The following FAM219A variants were observed in gnomAD, a reference collection of about 807,000 sequenced individuals.
FAM219A encodes the protein protein FAM219A.
A neutral mutation model predicts 23.4 loss-of-function variants in FAM219A; 7 were observed. The ratio of observed to expected loss-of-function variants is 0.30; its 90% CI spans 0.17 to 0.56. FAM219A has a LOEUF of 0.56. FAM219A is among the 20% of genes least tolerant of loss of function. The pLI, the probability that FAM219A is intolerant of heterozygous loss-of-function variation, is 0.92. For missense variants in FAM219A, 166 were observed against 246.9 expected, an observed-to-expected ratio of 0.67 and a Z score of 2.20; for synonymous variants, 93 against 99.0, an observed-to-expected ratio of 0.94 and a Z score of 0.36.
At chr9:34,422,243 G>C (rs1256926916) in intron 1 of FAM219A, among the ~76,000 whole-genome samples, 1 of 152,228 alleles carries the variant, frequency 6.6e-6, no homozygotes, top group Non-Finnish European at 1.5e-5. Context: ...ATACCTGCCA[G>C]AGGTACGGCC....
intron 1 of FAM219A, among the ~76,000 whole-genome samples, chr9:34,433,298 C>T (rs1310838067): frequency 6.6e-6 from 1 of 152,158 alleles, no homozygotes; most frequent in African/African-American, 2.4e-5. Flanking sequence ...TCATTTTGAT[C>T]TACTTCTTCC....
chr9:34,405,957 G>T lies in FAM219A; in HGVS notation c.68C>A (p.Ala23Asp). The change falls in exon 2 of 6, where the codon GCC becomes GAC. Residue 23 changes from alanine (A) to aspartate (D), a missense_variant. Coordinates refer to ENST00000651358, the MANE Select transcript of FAM219A (RefSeq NM_001184940.2). ...GTCTCCGTCAGAGATGGAGGCGGCG[G>T]CTGGGTCCTGTGGGGAGAAAGCAGT... is the stretch of plus-strand genomic sequence containing the variant. ...AHSEMQPLDP[A>D]AASISDGDCD... 1 of 1,610,748 alleles carries T rather than the reference G, an allele frequency of 6.2e-7. No homozygotes were observed. The highest frequency in any genetic ancestry group is 8.5e-7 in the Non-Finnish European group (1 of 1,178,102).
intron 1 of FAM219A, among the ~76,000 whole-genome samples, chr9:34,425,256 G>C (rs1822415667): frequency 6.6e-6 from 1 of 152,106 alleles, no homozygotes; most frequent in African/African-American, 2.4e-5. Context: ...AAGGCAGGCA[G>C]ATCACCTGAG....
chr9:34,436,252 T>G (rs532208203), intron 1 of FAM219A, among the ~76,000 whole-genome samples: 12 of 152,138 alleles, frequency 7.9e-5, no homozygotes, highest in South Asian at 2.1e-4. Flanking sequence ...GGGATTTTTT[T>G]GGGTTTTTTT....
intron 1 of FAM219A, among the ~76,000 whole-genome samples, chr9:34,456,325 G>A (rs896589322): frequency 2.0e-5 from 3 of 152,184 alleles, no homozygotes; most frequent in Non-Finnish European, 4.4e-5. Context: ...CACACAGACC[G>A]GAAGCAGCTC....
At chr9:34,437,186 C>A (rs1822954195) in intron 1 of FAM219A, among the ~76,000 whole-genome samples, 1 of 152,222 alleles carries the variant, frequency 6.6e-6, no homozygotes, top group African/African-American at 2.4e-5. Context: ...ACTACTCTCT[C>A]TCTCTCAATT....
intron 1 of FAM219A, among the ~76,000 whole-genome samples, chr9:34,421,441 G>A (rs1427356630): frequency 6.6e-6 from 1 of 152,044 alleles, no homozygotes; most frequent in Non-Finnish European, 1.5e-5. Context: ...ATACTTGCAG[G>A]AACGTCTCTG....
At chr9:34,404,591 C>T (rs1043101461) in intron 2 of FAM219A, among the ~76,000 whole-genome samples, 1 of 152,058 alleles carries the variant, frequency 6.6e-6, no homozygotes, top group South Asian at 2.1e-4. Flanking sequence ...GCCTATAATC[C>T]CAGCTACTTG....
At chr9:34,450,308 CAAAA>C (rs35932974) in intron 1 of FAM219A, among the ~76,000 whole-genome samples, 2 of 125,654 alleles carry the variant, frequency 1.6e-5, no homozygotes, top group Non-Finnish European at 3.6e-5. Context: ...GACCCTGTCT[CAAAA>C]AAAAAAAAAA....
intron 1 of FAM219A, among the ~76,000 whole-genome samples, chr9:34,452,174 GAGA>G (rs1823582988): frequency 6.6e-6 from 1 of 152,214 alleles, no homozygotes; most frequent in Non-Finnish European, 1.5e-5. Context: ...GGTTGCAGGG[GAGA>G]AGTATTCACT....
intron 1 of FAM219A, among the ~76,000 whole-genome samples, chr9:34,430,505 T>G (rs1164750870): frequency 6.7e-6 from 1 of 150,278 alleles, no homozygotes; most frequent in Non-Finnish European, 1.5e-5. Context: ...GGTGTGGTGG[T>G]GGGCGCTTGT....
At chr9:34,406,108 G>A in intron 1 of FAM219A, 144 bp from the exon 2 acceptor site, 2 of 960,346 alleles carry the variant, frequency 2.1e-6, no homozygotes, top group Non-Finnish European at 3.0e-6. Flanking sequence ...TTCAGGGAGA[G>A]AGGGGCAGAC....
intron 1 of FAM219A, among the ~76,000 whole-genome samples, chr9:34,420,471 G>C (rs982746335): frequency 6.6e-6 from 1 of 152,166 alleles, no homozygotes; most frequent in Non-Finnish European, 1.5e-5. Context: ...TCTACTTTTC[G>C]TTGCTGCTGA....
At chr9:34,436,917 C>T (rs1470702271) in intron 1 of FAM219A, among the ~76,000 whole-genome samples, 1 of 152,192 alleles carries the variant, frequency 6.6e-6, no homozygotes, top group Non-Finnish European at 1.5e-5. Context: ...CTGGCATGAA[C>T]AACAAAGGGT....
intron 1 of FAM219A, among the ~76,000 whole-genome samples, chr9:34,439,648 G>A (rs1823089159): frequency 6.6e-6 from 1 of 152,072 alleles, no homozygotes; most frequent in Non-Finnish European, 1.5e-5. Flanking sequence ...AGAAGGTGCA[G>A]CAAAAGCATT....
intron 1 of FAM219A, among the ~76,000 whole-genome samples, chr9:34,413,202 G>A (rs1048177052): frequency 6.7e-6 from 1 of 150,316 alleles, no homozygotes; most frequent in African/African-American, 2.4e-5. Flanking sequence ...AGGGAGGTGG[G>A]GGAATCAGAT....
chr9:34,438,940 C>G (rs879514051), intron 1 of FAM219A, among the ~76,000 whole-genome samples: 12 of 152,260 alleles, frequency 7.9e-5, no homozygotes, highest in African/African-American at 2.9e-4. Context: ...TGGGTCCACA[C>G]TGCTTTTATG....
chr9:34,403,791 C>T (rs1367677804), intron 2 of FAM219A, among the ~76,000 whole-genome samples: 1 of 152,184 alleles, frequency 6.6e-6, no homozygotes, highest in Admixed American at 6.5e-5. Flanking sequence ...CCAAATGCTC[C>T]AGAGGGTAAG....
chr9:34,428,978 T>C (rs1822593677), intron 1 of FAM219A, among the ~76,000 whole-genome samples: 1 of 152,198 alleles, frequency 6.6e-6, no homozygotes, highest in Admixed American at 6.5e-5. Context: ...AATTCATTAC[T>C]ACATTGTCAA....
Sources: allele counts gnomAD v4.1 joint callset (sites outside exome capture counted in the v4.1 genomes callset), GRCh38; gene constraint gnomAD v4.1.1; transcripts MANE v1.5; gene names NCBI Gene and HGNC (gene_info 2026-07-23, HGNC 2026-07-21).